KIF26B: variants seen among roughly 807,000 people sequenced by gnomAD.
The protein encoded by KIF26B is kinesin-like protein KIF26B.
Under a neutral mutation model 151.2 loss-of-function variants are expected in KIF26B, and 63 were observed. That is an observed-to-expected ratio of 0.42 (90% CI 0.34 to 0.51). The LOEUF (loss-of-function observed/expected upper bound fraction) is 0.51, where lower values mean the gene tolerates loss of function less well. Ranked by LOEUF, KIF26B falls within the 20% of genes least tolerant of loss-of-function variation. The pLI is 0.07. For missense variants in KIF26B, 2,813 were observed against 2,913.6 expected, an observed-to-expected ratio of 0.97 and a Z score of 0.79; for synonymous variants, 1,357 against 1,262.1, an observed-to-expected ratio of 1.08 and a Z score of -1.59.
chr1:245,186,809 A>G (rs1669008324), intron 2 of KIF26B, among the ~76,000 whole-genome samples: 1 of 152,184 alleles, frequency 6.6e-6, no homozygotes, highest in Non-Finnish European at 1.5e-5. Context: ...CACCAAAGGA[A>G]CTATGGTAAT....
intron 4 of KIF26B, among the ~76,000 whole-genome samples, chr1:245,437,955 C>T (rs1278425194): frequency 6.6e-6 from 1 of 152,100 alleles, no homozygotes; most frequent in Non-Finnish European, 1.5e-5. Flanking sequence ...TTTTTTTCCT[C>T]AAACTTTTCC....
At chr1:245,422,803 A>C (rs1305903414) in intron 4 of KIF26B, among the ~76,000 whole-genome samples, 1 of 152,126 alleles carries the variant, frequency 6.6e-6, no homozygotes, top group South Asian at 2.1e-4. Flanking sequence ...GCCTGCTTTC[A>C]GGAAGCTGTC....
intron 4 of KIF26B, among the ~76,000 whole-genome samples, chr1:245,506,458 C>G (rs1045642291): frequency 6.6e-6 from 1 of 152,130 alleles, no homozygotes; most frequent in Non-Finnish European, 1.5e-5. Context: ...AGCCTTAAAG[C>G]CATCGCTCTC....
intron 2 of KIF26B, among the ~76,000 whole-genome samples, chr1:245,165,224 C>T (rs1668596590): frequency 1.3e-5 from 2 of 151,676 alleles, no homozygotes; most frequent in Admixed American, 1.3e-4. Context: ...AGAGGCAGCT[C>T]CGGCCTGACA....
At chr1:245,296,510 G>A (rs987466426) in intron 2 of KIF26B, among the ~76,000 whole-genome samples, 5 of 152,140 alleles carry the variant, frequency 3.3e-5, no homozygotes, top group Non-Finnish European at 7.3e-5. Flanking sequence ...GTTTGGAGCC[G>A]CACAGTGTGC....
At chr1:245,210,126 C>T (rs1669487300) in intron 2 of KIF26B, among the ~76,000 whole-genome samples, 1 of 152,226 alleles carries the variant, frequency 6.6e-6, no homozygotes, top group Non-Finnish European at 1.5e-5. Flanking sequence ...CCCTCTGGGA[C>T]CATCAGCTCC....
Position 245,243,481 on chromosome 1 carries a change from T to TACAC in KIF26B, c.465+86802_465+86805dup, listed in dbSNP as rs1553338074. On this transcript the variant is annotated intron_variant, in intron 2 of 14. Transcript: ENST00000407071. ...ACACACACACACACACATATATATA[T>TACAC]ACACACATACATAAAAGGATCTTTT... Among the ~76,000 whole-genome samples the TACAC allele has an allele frequency of 3.9e-3, 599 of 151,738 alleles. 6 individuals are homozygous for TACAC. The highest frequency in any genetic ancestry group is 0.014 in the African/African-American group (566 of 41,354).
intron 10 of KIF26B, 90 bp from the exon 11 acceptor site, chr1:245,684,143 C>T: frequency 2.1e-6 from 3 of 1,414,468 alleles, no homozygotes; most frequent in Non-Finnish European, 2.9e-6. Context: ...CCACCCACAA[C>T]AAAATGGCCG....
chr1:245,359,059 C>T (rs891844296), intron 2 of KIF26B, among the ~76,000 whole-genome samples: 2 of 151,790 alleles, frequency 1.3e-5, no homozygotes, highest in East Asian at 3.9e-4. Flanking sequence ...CGCTCTGTTG[C>T]TCAGGCTGGA....
intron 2 of KIF26B, among the ~76,000 whole-genome samples, chr1:245,162,810 C>T (rs1291240566): frequency 2.6e-5 from 4 of 152,180 alleles, no homozygotes; most frequent in Admixed American, 6.5e-5. Flanking sequence ...GGAACTGCTC[C>T]AGAGCCTATC....
intron 5 of KIF26B, among the ~76,000 whole-genome samples, chr1:245,550,389 T>C (rs760631229): frequency 5.9e-5 from 9 of 152,234 alleles, no homozygotes; most frequent in Non-Finnish European, 1.0e-4. Context: ...GAGATCACAA[T>C]GGCATGCCTT....
At chr1:245,676,942 C>T (rs2044364083) in intron 10 of KIF26B, among the ~76,000 whole-genome samples, 1 of 152,148 alleles carries the variant, frequency 6.6e-6, no homozygotes, top group Non-Finnish European at 1.5e-5. Flanking sequence ...TGGTGCCAGC[C>T]CCAAATGACC....
At chr1:245,289,917 C>T (rs1243176722) in intron 2 of KIF26B, among the ~76,000 whole-genome samples, 2 of 152,194 alleles carry the variant, frequency 1.3e-5, no homozygotes, top group Non-Finnish European at 2.9e-5. Flanking sequence ...TCCTTTAGGT[C>T]TCTGCTTAGA....
chr1:245,263,327 G>A (rs972731048), intron 2 of KIF26B, among the ~76,000 whole-genome samples: 1 of 152,192 alleles, frequency 6.6e-6, no homozygotes, highest in Non-Finnish European at 1.5e-5. Context: ...AAGGCAGAGG[G>A]CTTGCATCTG....
chr1:245,482,758 TC>T (rs1286890956), intron 4 of KIF26B, among the ~76,000 whole-genome samples: 1 of 151,732 alleles, frequency 6.6e-6, no homozygotes, highest in East Asian at 1.9e-4. Flanking sequence ...CGACTAGTGT[TC>T]CTACCAGTGA....
At chr1:245,619,719 C>T (rs112329152) in intron 9 of KIF26B, among the ~76,000 whole-genome samples, 3,416 of 151,536 alleles carry the variant, frequency 0.023, 70 homozygotes, top group Admixed American at 0.068. Flanking sequence ...TCAAGACCAG[C>T]GTGGCCAACG....
intron 4 of KIF26B, among the ~76,000 whole-genome samples, chr1:245,524,943 C>T (rs1661207005): frequency 6.6e-6 from 1 of 152,070 alleles, no homozygotes; most frequent in South Asian, 2.1e-4. Context: ...TTTGGTCTCT[C>T]AGGGGCATTT....
At chr1:245,554,302 A>G (rs1477088840) in intron 5 of KIF26B, among the ~76,000 whole-genome samples, 1 of 152,228 alleles carries the variant, frequency 6.6e-6, no homozygotes, top group African/African-American at 2.4e-5. Context: ...CATATGTCAG[A>G]CAGACAGAAC....
intron 9 of KIF26B, among the ~76,000 whole-genome samples, chr1:245,642,965 C>T (rs568168957): frequency 1.3e-5 from 2 of 152,304 alleles, no homozygotes; most frequent in South Asian, 4.1e-4. Context: ...AGGTGCTGTA[C>T]ATGCCTCTCT....
Sources: gnomAD v4.1 joint callset for allele counts (sites outside exome capture counted in the v4.1 genomes callset) on GRCh38, gnomAD v4.1.1 for gene constraint, MANE v1.5 for transcripts, NCBI Gene and HGNC (gene_info 2026-07-23, HGNC 2026-07-21) for gene names.